Variants in GTF3C3 observed in about 807,000 individuals in gnomAD.
GTF3C3 encodes general transcription factor 3C polypeptide 3.
GTF3C3 carries 75 observed loss-of-function variants against 105.2 expected under a neutral mutation model. That is an observed-to-expected ratio of 0.71 (90% CI 0.59 to 0.86). GTF3C3 has a LOEUF of 0.86. GTF3C3 is among the 40% of genes least tolerant of loss of function. The pLI is 0.00. For missense variants in GTF3C3, 856 were observed against 1,076.5 expected, an observed-to-expected ratio of 0.80 and a Z score of 2.87; for synonymous variants, 335 against 370.4, an observed-to-expected ratio of 0.90 and a Z score of 1.10.
chr2:196,763,639 A>G lies in GTF3C3; in HGVS notation c.*924T>C, dbSNP rs1699008776. On this transcript the variant is annotated 3_prime_UTR_variant, in exon 18 of 18. Coordinates refer to ENST00000263956, the MANE Select transcript of GTF3C3 (RefSeq NM_012086.5). Reference sequence around the variant, plus strand: ...AGCCTCTACTTGTTTCCCTCCCACAATTGGGCTGGGTGTTACTAACCCATG... The same window carrying G: ...AGCCTCTACTTGTTTCCCTCCCACAGTTGGGCTGGGTGTTACTAACCCATG... 1 of 152,084 alleles carries G rather than the reference A, an allele frequency of 6.6e-6. No homozygotes were observed. The highest frequency in any genetic ancestry group is 2.4e-5 in the African/African-American group (1 of 41,432). The allele number at this position is 152,084 out of a possible 1,614,324, so 9.4% of individuals were successfully genotyped here.
In GTF3C3 at chr2:196,776,322, TA is replaced by T; in HGVS notation, c.1593+104del. 1.0e-6 allele frequency: 1 copy of T among 966,904 alleles called. No homozygotes were observed. Among genetic ancestry groups the T allele is most frequent in the South Asian group, 1.7e-5 (1 of 58,902 alleles). 59.9% of individuals were successfully genotyped at this position (966,904 alleles called of 1,614,324 possible). On this transcript the variant is annotated intron_variant, in intron 11 of 17. Coordinates refer to ENST00000263956, the MANE Select transcript of GTF3C3 (RefSeq NM_012086.5). This position sits in a 1 kb window ranked among gnomAD's most constrained non-coding sequence, Gnocchi z 4.5. ...TCATTTTTCAAAAACTTGAATACAC[TA>T]AAATAAAATTTTGGATATAAGCTAT...
At position 196,766,648 on chromosome 2, in the gene GTF3C3, G is replaced by C. The variant is rs749260801; in HGVS notation, c.2455C>G (p.Arg819Gly). 2 of 1,613,420 alleles carry C rather than the reference G, an allele frequency of 1.2e-6. No individual in the cohort carries two copies. Among genetic ancestry groups the C allele is most frequent in the Non-Finnish European group, 1.7e-6 (2 of 1,179,488 alleles). ...ATCAGCCCCAACTGATGAAGGCCAC[G>C]GCCCAAATTGTAGAATGATTCCTGG... ...PCQESFYNLG[R>G]GLHQLGLIHL... Residue 819 changes from arginine to glycine, a missense_variant, in exon 17 of 18, where the codon CGT becomes GGT. Coordinates refer to ENST00000263956, the MANE Select transcript of GTF3C3 (RefSeq NM_012086.5).
In GTF3C3 at chr2:196,763,804, TTTTAC is replaced by T. The variant is rs1168378871; in HGVS notation, c.*754_*758del. On this transcript the variant is annotated 3_prime_UTR_variant, in exon 18 of 18. Transcript: ENST00000263956. ...TGAGTAAACAAACAAAAAAAAAGTT[TTTTAC>T]TTTATCAATCAGCAGTATGTCCTTT... 6.6e-6 allele frequency: 1 copy of T among 152,194 alleles called. No individual in the cohort carries two copies. Among genetic ancestry groups the T allele is most frequent in the Non-Finnish European group, 1.5e-5 (1 of 68,026 alleles). The allele number at this position is 152,194 out of a possible 1,614,324, so 9.4% of individuals were successfully genotyped here. A position where few individuals can be genotyped will look rare whatever the true frequency, so the allele number is the denominator to read the frequency against.
Position 196,764,234 on chromosome 2 carries a change from T to C in GTF3C3, c.*329A>G, listed in dbSNP as rs1358972583. 1 of 181,804 alleles carries C rather than the reference T, an allele frequency of 5.5e-6. No individual in the cohort carries two copies. The allele number at this position is 181,804 out of a possible 1,614,324, so 11.3% of individuals were successfully genotyped here. A position where few individuals can be genotyped will look rare whatever the true frequency, so the allele number is the denominator to read the frequency against. On this transcript the variant is annotated 3_prime_UTR_variant, in exon 18 of 18. Transcript: ENST00000263956. ...ATGTGATATTGACAGAGCTATAGTA[T>C]TAAATACAAAGATGAATAAATGGTG...
At position 196,763,384 on chromosome 2, in the gene GTF3C3, A is replaced by G. The variant is rs1243921502; in HGVS notation, c.*1179T>C. 4 of 152,200 alleles carry G rather than the reference A, an allele frequency of 2.6e-5. No individual in the cohort carries two copies. Among genetic ancestry groups the G allele is most frequent in the Non-Finnish European group, 5.9e-5 (4 of 68,034 alleles). The allele number at this position is 152,200 out of a possible 1,614,324, so 9.4% of individuals were successfully genotyped here. A position where few individuals can be genotyped will look rare whatever the true frequency, so the allele number is the denominator to read the frequency against. On this transcript the variant is annotated 3_prime_UTR_variant, in exon 18 of 18. Transcript: ENST00000263956. ...TTCCAACACACAAGTCTAACTTATT[A>G]CTGTATCTCAGTTACCTCTACCATT...
In GTF3C3 at chr2:196,776,183, A is replaced by G. The variant is rs1559299651; in HGVS notation, c.1594-72T>C. Reference sequence around the variant, plus strand: ...TACAAATTGTTTTATTTGCATAGAAACATTTTTAAAAAAACAAACCATATT... The same window carrying G: ...TACAAATTGTTTTATTTGCATAGAAGCATTTTTAAAAAAACAAACCATATT... On this transcript the variant is annotated intron_variant, in intron 11 of 17. Coordinates refer to ENST00000263956, the MANE Select transcript of GTF3C3 (RefSeq NM_012086.5). This position sits in a 1 kb window ranked among gnomAD's most constrained non-coding sequence, Gnocchi z 4.5. 1 of 876,618 alleles carries G rather than the reference A, an allele frequency of 1.1e-6. No homozygotes were observed. The highest frequency in any genetic ancestry group is 1.8e-6 in the Non-Finnish European group (1 of 558,636). The allele number at this position is 876,618 out of a possible 1,614,324, so 54.3% of individuals were successfully genotyped here.
At chr2:196,784,314 G>A (rs1419010582) in intron 8 of GTF3C3, among the ~76,000 whole-genome samples, 1 of 152,084 alleles carries the variant, frequency 6.6e-6, no homozygotes, top group African/African-American at 2.4e-5. Context: ...ACTTGATGTA[G>A]GGTCTTGAAT....
At chr2:196,794,259 G>T (rs762492231) in intron 2 of GTF3C3, among the ~76,000 whole-genome samples, 9 of 151,934 alleles carry the variant, frequency 5.9e-5, no homozygotes, top group African/African-American at 2.2e-4. Context: ...CTAACTATAA[G>T]AAATAAATTA....
intron 6 of GTF3C3, among the ~76,000 whole-genome samples, chr2:196,788,007 AT>A (rs936089831): frequency 1.5e-4 from 23 of 152,354 alleles, no homozygotes; most frequent in African/African-American, 4.8e-4. Flanking sequence ...TGGAAAACCA[AT>A]TTACTATCAT....
rs1379711731 is a variant in GTF3C3, at chr2:196,766,732, A to G, written c.2386-15T>C. 3.8e-6 allele frequency: 6 copies of G among 1,597,858 alleles called. No homozygotes were observed. The highest frequency in any genetic ancestry group is 1.4e-5 in the African/African-American group (1 of 74,064). ...AAGGAAAAGCCCTAACCAAAAAGAAAAAGATAATTCAATATTTCACTGATT... is the reference window on the plus strand; with the variant it reads ...AAGGAAAAGCCCTAACCAAAAAGAAGAAGATAATTCAATATTTCACTGATT... On this transcript the variant is annotated splice_polypyrimidine_tract_variant and intron_variant, in intron 16 of 17. Transcript: ENST00000263956.
Position 196,769,932 on chromosome 2 carries a change from G to A in GTF3C3, c.2368C>T (p.His790Tyr), listed in dbSNP as rs765976609. The A allele has an allele frequency of 1.2e-6, 2 of 1,607,640 alleles. No homozygotes were observed. The change falls in exon 16 of 18, where the codon CAT (histidine) becomes TAT (tyrosine). Residue 790 changes from histidine (H) to tyrosine (Y), a missense_variant. His to Tyr is a moderately conservative substitution (Grantham distance 83, BLOSUM62 2). Around this residue, in one of 3 missense-constraint regions of GTF3C3, gnomAD observed 134 missense variants for 128.9 expected, o/e 1.04. Transcript: ENST00000263956. The part of the protein sequence containing the change: ...MASQKYVLRR[H>Y]ALIVQGFSFL... ...TGAATTACCTGTACAATAAGAGCAT[G>A]TCTCCGTAACACATACTTCTGAGAT... is the stretch of plus-strand genomic sequence containing the variant.
At chr2:196,791,269 T>A (rs1369949152) in intron 4 of GTF3C3, 68 bp downstream of exon 4, 1 of 1,479,864 alleles carries the variant, frequency 6.8e-7, no homozygotes, top group Non-Finnish European at 9.4e-7. Flanking sequence ...TACTGTGAAG[T>A]GCTCCCCCAT....
At chr2:196,787,232 A>G (rs1262844429) in intron 6 of GTF3C3, among the ~76,000 whole-genome samples, 1 of 152,030 alleles carries the variant, frequency 6.6e-6, no homozygotes, top group African/African-American at 2.4e-5. Context: ...CCTTCTATGT[A>G]TCACTACAGT....
chr2:196,797,965 A>T, intron 1 of GTF3C3, 57 bp from the exon 2 acceptor site: 1 of 981,658 alleles, frequency 1.0e-6, no homozygotes, highest in Non-Finnish European at 1.6e-6. Flanking sequence ...AGCTCTCCCC[A>T]GCCACAGAGT....
chr2:196,794,207 C>G (rs1699599007), intron 2 of GTF3C3, among the ~76,000 whole-genome samples: 1 of 152,138 alleles, frequency 6.6e-6, no homozygotes. Flanking sequence ...CACAAAGGTC[C>G]TCAACAGATG....
intron 10 of GTF3C3, among the ~76,000 whole-genome samples, chr2:196,777,458 C>T (rs141538522): frequency 6.6e-6 from 1 of 152,176 alleles, no homozygotes; most frequent in African/African-American, 2.4e-5. Flanking sequence ...ATCATTTGAA[C>T]GTGAAAACAA....
intron 2 of GTF3C3, among the ~76,000 whole-genome samples, chr2:196,796,562 T>C (rs947797368): frequency 6.6e-6 from 1 of 152,204 alleles, no homozygotes; most frequent in African/African-American, 2.4e-5. Flanking sequence ...GTTTGTTACA[T>C]AGGTCAACAT....
Position 196,789,273 on chromosome 2 carries a change from C to T in GTF3C3, c.824G>A (p.Arg275Lys), listed in dbSNP as rs1699506317. The change falls in exon 6 of 18, where the codon AGG becomes AAG. Residue 275 changes from arginine to lysine, a missense_variant. Around this residue, in one of 3 missense-constraint regions of GTF3C3, gnomAD observed 605 missense variants for 833.6 expected, o/e 0.73. Transcript: ENST00000263956. The part of the protein sequence containing the change: ...GDHKMAMDGY[R>K]RILNLLSPSD... Reference sequence around the variant, plus strand: ...TGGAGACAAAAGGTTTAAAATACGCCTATAACCATCCATGGCCATTTTATG... The same window carrying T: ...TGGAGACAAAAGGTTTAAAATACGCTTATAACCATCCATGGCCATTTTATG... 1.2e-6 allele frequency: 2 copies of T among 1,613,566 alleles called. No individual in the cohort carries two copies. Among genetic ancestry groups the T allele is most frequent in the Non-Finnish European group, 1.7e-6 (2 of 1,179,692 alleles).
At chr2:196,781,094 T>G (rs1054744065) in intron 8 of GTF3C3, among the ~76,000 whole-genome samples, 6 of 151,854 alleles carry the variant, frequency 4.0e-5, no homozygotes, top group African/African-American at 1.4e-4. Flanking sequence ...TTACAGGAAT[T>G]TTTATCCACA....
Sources: gnomAD v4.1 joint callset for allele counts (sites outside exome capture counted in the v4.1 genomes callset) on GRCh38, gnomAD v4.1.1 for gene constraint, gnomAD v4.1.1 regional missense constraint, Gnocchi (gnomAD v3.1) non-coding constraint, MANE v1.5 for transcripts, NCBI Gene and HGNC (gene_info 2026-07-23, HGNC 2026-07-21) for gene names.